Variants in NOVA2 observed in about 807,000 individuals in gnomAD.
NOVA2 encodes the protein NOVA alternative splicing regulator 2.
A neutral mutation model predicts 22.5 loss-of-function variants in NOVA2; 9 were observed. The observed-to-expected ratio is 0.40, with a 90% CI of 0.24 to 0.70. NOVA2 has a LOEUF of 0.70. Among genes scored for constraint, NOVA2 ranks in the 30% least tolerant of loss-of-function variants. NOVA2 has a pLI of 0.38. For synonymous variants in NOVA2, 318 were observed against 335.2 expected, an observed-to-expected ratio of 0.95 and a Z score of 0.56; for missense variants, 383 against 682.8, an observed-to-expected ratio of 0.56 and a Z score of 4.89.
At chr19:45,951,550 G>T (rs920806956) in intron 3 of NOVA2, among the ~76,000 whole-genome samples, 1 of 151,570 alleles carries the variant, frequency 6.6e-6, no homozygotes, top group African/African-American at 2.4e-5. Context: ...CCCGGGAGTT[G>T]TAGGTTGCAG....
chr19:45,938,569 T>G lies in NOVA2; in HGVS notation c.*1294A>C, dbSNP rs1956901569. On this transcript the variant is annotated 3_prime_UTR_variant, in exon 4 of 4. Transcript: ENST00000263257. ...CAGGCATGCACACAAAAGGCAGGGG[T>G]GGGAAGGGAGGTCTTTAACAGTAGT... 6.6e-6 allele frequency: 1 copy of G among 152,034 alleles called. No homozygotes were observed. Among genetic ancestry groups the G allele is most frequent in the African/African-American group, 2.4e-5 (1 of 41,260 alleles). 9.4% of individuals were successfully genotyped at this position (152,034 alleles called of 1,614,324 possible).
intron 2 of NOVA2, among the ~76,000 whole-genome samples, chr19:45,960,141 G>A (rs1312900536): frequency 3.3e-5 from 5 of 151,738 alleles, no homozygotes; most frequent in East Asian, 1.9e-4. Context: ...TGGGTTTGGA[G>A]GAAGGGAAGA....
chr19:45,954,649 C>G (rs976110263), intron 2 of NOVA2, among the ~76,000 whole-genome samples: 1 of 151,750 alleles, frequency 6.6e-6, no homozygotes, highest in Non-Finnish European at 1.5e-5. Flanking sequence ...GAGTGAGGAC[C>G]AAGGAACTGG....
intron 2 of NOVA2, among the ~76,000 whole-genome samples, chr19:45,955,886 A>C (rs1448312538): frequency 6.6e-6 from 1 of 151,958 alleles, no homozygotes; most frequent in Non-Finnish European, 1.5e-5. Context: ...GAAAAAAAAC[A>C]AAAAGTGTCT....
At chr19:45,944,520 C>T (rs1480059132) in intron 3 of NOVA2, among the ~76,000 whole-genome samples, 1 of 152,148 alleles carries the variant, frequency 6.6e-6, no homozygotes, top group Non-Finnish European at 1.5e-5. Flanking sequence ...AACAAATCAC[C>T]TTCCTTTTAT....
chr19:45,961,163 C>T lies in NOVA2; in HGVS notation c.86-10G>A, dbSNP rs1968090756. ...AAGTATTCGCCTTCCTCTGCGGGGGCACACAGGGTGGAGGGGAGTCAGCGG... is the reference window on the plus strand; with the variant it reads ...AAGTATTCGCCTTCCTCTGCGGGGGTACACAGGGTGGAGGGGAGTCAGCGG... On this transcript the variant is annotated splice_polypyrimidine_tract_variant and intron_variant, in intron 1 of 3. Coordinates refer to ENST00000263257, the MANE Select transcript of NOVA2 (RefSeq NM_002516.4). The T allele has an allele frequency of 1.3e-6, 2 of 1,595,802 alleles. No individual in the cohort carries two copies. The highest frequency in any genetic ancestry group is 1.7e-6 in the Non-Finnish European group (2 of 1,171,454).
chr19:45,943,372 T>A (rs1055257821), intron 3 of NOVA2, among the ~76,000 whole-genome samples: 1 of 151,558 alleles, frequency 6.6e-6, no homozygotes, highest in Non-Finnish European at 1.5e-5. Flanking sequence ...TGACTACTTT[T>A]GAATGTCCTG....
At chr19:45,946,509 G>A (rs563343568) in intron 3 of NOVA2, among the ~76,000 whole-genome samples, 4 of 152,142 alleles carry the variant, frequency 2.6e-5, no homozygotes. Context: ...GTTTTTAGGT[G>A]TGTTGACAGT....
In NOVA2 at chr19:45,945,944, C is replaced by T. The variant is rs1279460432; in HGVS notation, c.397-4999G>A. ...CCACCTCCTGGGTTCAAGTGATTCT[C>T]AAGTGAGCCGAGATCATGCCACTGC... On this transcript the variant is annotated intron_variant, in intron 3 of 3. Coordinates refer to ENST00000263257, the MANE Select transcript of NOVA2 (RefSeq NM_002516.4). Among the ~76,000 whole-genome samples, 3 of 139,540 alleles carry T rather than the reference C, an allele frequency of 2.1e-5. No homozygotes were observed. The East Asian group carries it at 6.4e-4, about 30-fold the overall frequency. 91.5% of individuals were successfully genotyped at this position (139,540 alleles called of 152,430 possible). A position where few individuals can be genotyped will look rare whatever the true frequency, so the allele number is the denominator to read the frequency against.
intron 1 of NOVA2, among the ~76,000 whole-genome samples, chr19:45,969,330 C>A (rs1021072222): frequency 3.3e-5 from 5 of 151,204 alleles, no homozygotes; most frequent in Non-Finnish European, 5.9e-5. Flanking sequence ...CATAGCAAGA[C>A]CCTGTCTCTA....
At position 45,968,240 on chromosome 19, in the gene NOVA2, T is replaced by C. The variant is rs147631299; in HGVS notation, c.85+5027A>G. 2.6e-3 allele frequency among the ~76,000 whole-genome samples: 399 copies of C among 151,988 alleles called. 2 individuals are homozygous for C. Among genetic ancestry groups the C allele is most frequent in the African/African-American group, 9.0e-3 (372 of 41,450 alleles). Reference sequence around the variant, plus strand: ...GGGGCTGGGGAAGGGAGAGCTGGCATGTTCTATGAGGGTACGAGGAGGCTG... The same window carrying C: ...GGGGCTGGGGAAGGGAGAGCTGGCACGTTCTATGAGGGTACGAGGAGGCTG... On this transcript the variant is annotated intron_variant, in intron 1 of 3. Coordinates refer to ENST00000263257, the MANE Select transcript of NOVA2 (RefSeq NM_002516.4).
intron 1 of NOVA2, among the ~76,000 whole-genome samples, chr19:45,961,851 G>T: frequency 6.6e-6 from 1 of 152,228 alleles, no homozygotes; most frequent in South Asian, 2.1e-4. Context: ...ACATGGCTAT[G>T]TGAAGGACGA....
Position 45,946,891 on chromosome 19 carries a change from AT to A in NOVA2, c.397-5947del, listed in dbSNP as rs367842108. Among the ~76,000 whole-genome samples the A allele has an allele frequency of 3.1e-3, 458 of 145,466 alleles. 1 individual carries two copies. The highest frequency in any genetic ancestry group is 0.011 in the African/African-American group (435 of 39,642). ...TCCGTCTAAAAAAAAAAAAAAAAAA[AT>A]CACAACAAAAATTGTGTGTGCGCAC... is the stretch of plus-strand genomic sequence containing the variant. On this transcript the variant is annotated intron_variant, in intron 3 of 3. Coordinates refer to ENST00000263257, the MANE Select transcript of NOVA2 (RefSeq NM_002516.4).
intron 1 of NOVA2, among the ~76,000 whole-genome samples, chr19:45,966,402 T>C (rs1325407115): frequency 6.6e-6 from 1 of 152,202 alleles, no homozygotes; most frequent in African/African-American, 2.4e-5. Context: ...TAAATTCCTT[T>C]TAAATTTTAA....
At chr19:45,955,321 G>A (rs1296461131) in intron 2 of NOVA2, among the ~76,000 whole-genome samples, 1 of 152,198 alleles carries the variant, frequency 6.6e-6, no homozygotes, top group Non-Finnish European at 1.5e-5. Context: ...CCTATGACCA[G>A]TGTGTGTGAA....
chr19:45,955,640 A>G (rs1363967578), intron 2 of NOVA2, among the ~76,000 whole-genome samples: 6 of 152,042 alleles, frequency 3.9e-5, no homozygotes, highest in South Asian at 4.1e-4. Flanking sequence ...TGGGCAGATC[A>G]TGAGGTCAAG....
At chr19:45,942,062 C>T (rs1967768009) in intron 3 of NOVA2, among the ~76,000 whole-genome samples, 1 of 152,128 alleles carries the variant, frequency 6.6e-6, no homozygotes, top group South Asian at 2.1e-4. Flanking sequence ...CCTAAGGTTC[C>T]CCAGTTAGTG....
At chr19:45,955,843 C>T (rs545774720) in intron 2 of NOVA2, among the ~76,000 whole-genome samples, 76 of 150,598 alleles carry the variant, frequency 5.0e-4, no homozygotes, top group Middle Eastern at 6.8e-3. Context: ...GGCGGCAGAG[C>T]GGGACTCCGT....
chr19:45,968,339 T>G (rs1393429660), intron 1 of NOVA2, among the ~76,000 whole-genome samples: 2 of 151,804 alleles, frequency 1.3e-5, no homozygotes, highest in Non-Finnish European at 2.9e-5. Flanking sequence ...GTGGGAGCAG[T>G]ACTGCCGAGG....
Sources: allele counts gnomAD v4.1 joint callset (sites outside exome capture counted in the v4.1 genomes callset), GRCh38; gene constraint gnomAD v4.1.1; transcripts MANE v1.5; gene names NCBI Gene and HGNC (gene_info 2026-07-23, HGNC 2026-07-21).